LRRC4C: variants seen among roughly 807,000 people sequenced by gnomAD.
LRRC4C encodes leucine rich repeat containing 4C, also known as leucine-rich repeat-containing protein 4C.
Under a neutral mutation model 33.6 loss-of-function variants are expected in LRRC4C, and 5 were observed. That is an observed-to-expected ratio of 0.15 (90% CI 0.08 to 0.31). The LOEUF is 0.31. LRRC4C is among the 10% of genes least tolerant of loss of function. The probability of loss-of-function intolerance (pLI) is 1.00; values close to 1 mark genes in which losing one functional copy is unlikely to be tolerated. For missense variants in LRRC4C, 560 were observed against 796.7 expected, an observed-to-expected ratio of 0.70 and a Z score of 3.58; for synonymous variants, 329 against 302.0, an observed-to-expected ratio of 1.09 and a Z score of -0.93.
At chr11:40,525,265 T>C (rs926480566) in intron 3 of LRRC4C, among the ~76,000 whole-genome samples, 1 of 151,992 alleles carries the variant, frequency 6.6e-6, no homozygotes, top group African/African-American at 2.4e-5. Flanking sequence ...GCTAACACAG[T>C]GAAACTCCAT....
At chr11:40,978,243 A>G (rs555957411) in intron 1 of LRRC4C, among the ~76,000 whole-genome samples, 17 of 152,168 alleles carry the variant, frequency 1.1e-4, no homozygotes, top group Non-Finnish European at 2.4e-4. Context: ...AAATCTTATC[A>G]CATTACTCTC....
Position 41,092,556 on chromosome 11 carries a change from C to T in LRRC4C, c.-495-158833G>A, listed in dbSNP as rs531972867. Reference sequence around the variant, plus strand: ...CAGGCAGAATAATCCTAGGCATTCTCTTGAGCCAGTGTACTCTGAGATTCC... The same window carrying T: ...CAGGCAGAATAATCCTAGGCATTCTTTTGAGCCAGTGTACTCTGAGATTCC... On this transcript the variant is annotated intron_variant, in intron 1 of 6. Coordinates refer to ENST00000528697, the MANE Select transcript of LRRC4C (RefSeq NM_001258419.2). Among the ~76,000 whole-genome samples, 4 of 152,288 alleles carry T rather than the reference C, an allele frequency of 2.6e-5. No individual in the cohort carries two copies. In the East Asian group the frequency reaches 7.7e-4, roughly 29 times the overall value.
intron 2 of LRRC4C, among the ~76,000 whole-genome samples, chr11:40,810,524 T>C (rs895205157): frequency 5.3e-5 from 8 of 152,192 alleles, no homozygotes; most frequent in African/African-American, 1.4e-4. Context: ...GTTAGACTCA[T>C]TTTTAAACAC....
At chr11:40,637,240 TAAA>T in intron 3 of LRRC4C, among the ~76,000 whole-genome samples, 1 of 151,700 alleles carries the variant, frequency 6.6e-6, no homozygotes, top group Non-Finnish European at 1.5e-5. Flanking sequence ...TTAAGCTAAT[TAAA>T]AAAAAATTAC....
chr11:41,086,417 A>G (rs1174175383), intron 1 of LRRC4C, among the ~76,000 whole-genome samples: 2 of 152,160 alleles, frequency 1.3e-5, no homozygotes, highest in Middle Eastern at 3.2e-3. Flanking sequence ...CTTTTAAATC[A>G]TGGGATTTAT....
At chr11:40,206,006 T>A (rs1431919474) in intron 5 of LRRC4C, among the ~76,000 whole-genome samples, 1 of 152,224 alleles carries the variant, frequency 6.6e-6, no homozygotes, top group African/African-American at 2.4e-5. Flanking sequence ...TTCTGAAATA[T>A]ATTTTCAAAA....
At chr11:41,239,874 C>T (rs1948181179) in intron 1 of LRRC4C, among the ~76,000 whole-genome samples, 1 of 152,106 alleles carries the variant, frequency 6.6e-6, no homozygotes, top group African/African-American at 2.4e-5. Context: ...TATTTTCGTT[C>T]ATTCATCCTA....
intron 1 of LRRC4C, among the ~76,000 whole-genome samples, chr11:41,075,913 TC>T (rs1272426842): frequency 6.6e-6 from 1 of 152,194 alleles, no homozygotes; most frequent in Admixed American, 6.5e-5. Context: ...CTTCTAATCT[TC>T]TTGAACAACT....
At chr11:40,783,119 C>T (rs181351480) in intron 2 of LRRC4C, among the ~76,000 whole-genome samples, 22 of 152,132 alleles carry the variant, frequency 1.4e-4, no homozygotes, top group Admixed American at 7.8e-4. Flanking sequence ...AAAAATACCA[C>T]TGTTAATAAT....
Position 40,552,902 on chromosome 11 carries a change from G to C in LRRC4C, c.-270+95240C>G, listed in dbSNP as rs942923331. On this transcript the variant is annotated intron_variant, in intron 3 of 6. Coordinates refer to ENST00000528697, the MANE Select transcript of LRRC4C (RefSeq NM_001258419.2). ...CTTCTGAGATGTAATAATCATTTTA[G>C]TCTTGAAAAATAGAGATCAAATATG... is the stretch of plus-strand genomic sequence containing the variant. Among the ~76,000 whole-genome samples, 12 of 152,240 alleles carry C rather than the reference G, an allele frequency of 7.9e-5. No individual in the cohort carries two copies. The Middle Eastern group carries it at 0.01, about 129-fold the overall frequency.
At chr11:41,447,703 T>C (rs923645693) in intron 1 of LRRC4C, among the ~76,000 whole-genome samples, 2 of 152,162 alleles carry the variant, frequency 1.3e-5, no homozygotes, top group African/African-American at 4.8e-5. Context: ...TTTAACTAAA[T>C]ATAGCACCAC....
intron 1 of LRRC4C, among the ~76,000 whole-genome samples, chr11:41,137,282 T>A (rs1943307421): frequency 1.3e-5 from 2 of 152,014 alleles, no homozygotes; most frequent in African/African-American, 2.4e-5. Context: ...TTTAGAGGAA[T>A]CAGGCACAAA....
chr11:40,494,186 T>C (rs962403800), intron 3 of LRRC4C, among the ~76,000 whole-genome samples: 2 of 152,136 alleles, frequency 1.3e-5, no homozygotes, highest in Admixed American at 6.6e-5. Context: ...GTATTGGTCC[T>C]CTAGGAAACT....
intron 1 of LRRC4C, among the ~76,000 whole-genome samples, chr11:41,253,929 T>A (rs564397878): frequency 1.6e-4 from 24 of 152,216 alleles, no homozygotes; most frequent in Admixed American, 1.0e-3. Context: ...AAGCCCGTTC[T>A]ATGGAAGTTT....
intron 6 of LRRC4C, among the ~76,000 whole-genome samples, chr11:40,121,597 A>T (rs1434803268): frequency 6.6e-6 from 1 of 152,216 alleles, no homozygotes; most frequent in Non-Finnish European, 1.5e-5. Flanking sequence ...GTTTTGAATT[A>T]AACTATGATA....
intron 1 of LRRC4C, among the ~76,000 whole-genome samples, chr11:41,397,244 C>T (rs894401182): frequency 2.0e-5 from 3 of 151,878 alleles, no homozygotes; most frequent in Admixed American, 1.3e-4. Flanking sequence ...CACTGATATG[C>T]CTACCCCTCC....
At chr11:40,393,074 T>C (rs1233360052) in intron 3 of LRRC4C, among the ~76,000 whole-genome samples, 1 of 152,020 alleles carries the variant, frequency 6.6e-6, no homozygotes, top group Non-Finnish European at 1.5e-5. Context: ...GAATGCAATC[T>C]TACTAGGGAG....
At chr11:41,287,440 CGTTTTGTTTT>C (rs1201909876) in intron 1 of LRRC4C, among the ~76,000 whole-genome samples, 3 of 151,870 alleles carry the variant, frequency 2.0e-5, no homozygotes, top group Non-Finnish European at 2.9e-5. Flanking sequence ...TTGTTTTTTG[CGTTTTGTTTT>C]GTTTTGTTTT....
intron 2 of LRRC4C, among the ~76,000 whole-genome samples, chr11:40,821,515 C>A (rs1951926959): frequency 6.6e-6 from 1 of 151,340 alleles, no homozygotes. Flanking sequence ...TTAATTTTTT[C>A]TTTAATAAAT....
Sources: allele counts gnomAD v4.1 joint callset (sites outside exome capture counted in the v4.1 genomes callset), GRCh38; gene constraint gnomAD v4.1.1; transcripts MANE v1.5; gene names NCBI Gene and HGNC (gene_info 2026-07-23, HGNC 2026-07-21).